ADAM18: variants seen among roughly 807,000 people sequenced by gnomAD.
The protein encoded by ADAM18 is ADAM metallopeptidase domain 18.
ADAM18 carries 117 observed loss-of-function variants against 94.4 expected under a neutral mutation model. That is an observed-to-expected ratio of 1.24 (90% CI 1.07 to 1.45). The LOEUF (loss-of-function observed/expected upper bound fraction) is 1.45, where lower values mean the gene tolerates loss of function less well. Among genes scored for constraint, ADAM18 ranks in the 40% most tolerant of loss-of-function variants. The probability of loss-of-function intolerance (pLI) is 0.00; values close to 1 mark genes in which losing one functional copy is unlikely to be tolerated. For synonymous variants in ADAM18, 327 were observed against 291.6 expected, an observed-to-expected ratio of 1.12 and a Z score of -1.24; for missense variants, 936 against 880.0, an observed-to-expected ratio of 1.06 and a Z score of -0.81.
chr8:39,637,883 G>T (rs1820129791), intron 9 of ADAM18, among the ~76,000 whole-genome samples, 180 bp downstream of exon 9: 1 of 151,914 alleles, frequency 6.6e-6, no homozygotes, highest in South Asian at 2.1e-4. Context: ...ACAATAATCA[G>T]TTTTGTATTA....
chr8:39,699,850 T>C (rs956620360), intron 17 of ADAM18, among the ~76,000 whole-genome samples: 1 of 152,060 alleles, frequency 6.6e-6, no homozygotes, highest in Admixed American at 6.6e-5. Flanking sequence ...ATTAGAAAAA[T>C]CTTGAAATTT....
intron 13 of ADAM18, among the ~76,000 whole-genome samples, chr8:39,666,707 A>G (rs1055468077): frequency 4.7e-4 from 72 of 152,194 alleles, no homozygotes; most frequent in African/African-American, 1.7e-3. Flanking sequence ...AAACCATCAG[A>G]TCTTGTGAGA....
chr8:39,584,977 T>G (rs893378557), intron 1 of ADAM18, among the ~76,000 whole-genome samples: 1 of 152,070 alleles, frequency 6.6e-6, no homozygotes, highest in African/African-American at 2.4e-5. Flanking sequence ...ACTAACTGCC[T>G]TCAGCGAACT....
Position 39,637,656 on chromosome 8 carries a change from A to G in ADAM18, c.780A>G (p.Lys260=). 6.2e-7 allele frequency: 1 copy of G among 1,612,612 alleles called. No individual in the cohort carries two copies. The change falls in exon 9 of 20, where the codon AAA becomes AAG. Residue 260 remains lysine (K), a synonymous_variant. Coordinates refer to ENST00000265707, the MANE Select transcript of ADAM18 (RefSeq NM_014237.3). ...TATTACAAAGATTTTTGGCATGGAA[A>G]CGGGACTATCTCATCCTACGGCCCC... ...DDILQRFLAW[K]RDYLILRPHD...
Position 39,720,024 on chromosome 8 carries a change from T to A in ADAM18, c.2018-3724T>A, listed in dbSNP as rs1822703294. ...TAAGTCAAAATCTATATAGTAACAA[T>A]TTTTGTAATAGATAACATCTGGAAA... On this transcript the variant is annotated intron_variant, in intron 18 of 19. Coordinates refer to ENST00000265707, the MANE Select transcript of ADAM18 (RefSeq NM_014237.3). Among the ~76,000 whole-genome samples, 4 of 151,012 alleles carry A rather than the reference T, an allele frequency of 2.6e-5. No individual in the cohort carries two copies. The Admixed American group carries it at 2.7e-4, about 10-fold the overall frequency.
chr8:39,648,498 A>G lies in ADAM18; in HGVS notation c.1201A>G (p.Asn401Asp). The change falls in exon 12 of 20, where the codon AAT becomes GAT. Residue 401 changes from asparagine (N) to aspartate (D), a missense_variant. Coordinates refer to ENST00000265707, the MANE Select transcript of ADAM18 (RefSeq NM_014237.3). ...GTGTGGTAATGGGATTTTGGAATCCAATGAAGAATGTGACTGTGGTAATAA... is the reference window on the plus strand; with the variant it reads ...GTGTGGTAATGGGATTTTGGAATCCGATGAAGAATGTGACTGTGGTAATAA... ...PVCGNGILES[N>D]EECDCGNKNE... 6.2e-7 allele frequency: 1 copy of G among 1,608,498 alleles called. No individual in the cohort carries two copies. Among genetic ancestry groups the G allele is most frequent in the South Asian group, 1.1e-5 (1 of 89,442 alleles).
At chr8:39,710,467 T>C (rs180883972) in intron 18 of ADAM18, among the ~76,000 whole-genome samples, 1 of 152,308 alleles carries the variant, frequency 6.6e-6, no homozygotes, top group African/African-American at 2.4e-5. Context: ...TCAGTACTTG[T>C]ATCCAAGAAG....
At chr8:39,690,151 A>G (rs1300348967) in intron 16 of ADAM18, among the ~76,000 whole-genome samples, 1 of 152,154 alleles carries the variant, frequency 6.6e-6, no homozygotes, top group Non-Finnish European at 1.5e-5. Flanking sequence ...GTTGGGCTGG[A>G]GTTGCCAAAG....
At chr8:39,602,165 T>C (rs1818926575) in intron 2 of ADAM18, among the ~76,000 whole-genome samples, 1 of 152,178 alleles carries the variant, frequency 6.6e-6, no homozygotes, top group Non-Finnish European at 1.5e-5. Flanking sequence ...TGCTTTGAAT[T>C]GTTTTGGATG....
At position 39,729,886 on chromosome 8, in the gene ADAM18, TC is replaced by T. The variant is rs1329138178; in HGVS notation, c.2178-11del. On this transcript the variant is annotated splice_polypyrimidine_tract_variant and intron_variant, in intron 19 of 19. Coordinates refer to ENST00000265707, the MANE Select transcript of ADAM18 (RefSeq NM_014237.3). ...TGTGAATTTCTATTTTTTCTGTTTT[TC>T]TTCACTATAGTAATTCATCCGTTGT... 6.2e-7 allele frequency: 1 copy of T among 1,611,648 alleles called. No individual in the cohort carries two copies. The highest frequency in any genetic ancestry group is 2.2e-5 in the East Asian group (1 of 44,858).
intron 10 of ADAM18, among the ~76,000 whole-genome samples, chr8:39,644,849 A>G (rs888858662): frequency 3.3e-5 from 5 of 152,164 alleles, no homozygotes; most frequent in African/African-American, 1.2e-4. Flanking sequence ...TCTTAAAAGC[A>G]TGTGTAACAA....
intron 2 of ADAM18, among the ~76,000 whole-genome samples, chr8:39,588,786 C>T (rs1199868869): frequency 6.6e-6 from 1 of 152,154 alleles, no homozygotes; most frequent in Non-Finnish European, 1.5e-5. Flanking sequence ...AGAATGCACA[C>T]CTTGGGGAGC....
At chr8:39,688,962 G>A (rs570655491) in intron 16 of ADAM18, among the ~76,000 whole-genome samples, 3 of 152,152 alleles carry the variant, frequency 2.0e-5, no homozygotes, top group East Asian at 1.9e-4. Context: ...CTTAATGCTC[G>A]ATGATGTTGA....
At chr8:39,679,958 A>G (rs748436624) in intron 15 of ADAM18, 79 bp from the exon 16 acceptor site, 5 of 1,340,392 alleles carry the variant, frequency 3.7e-6, no homozygotes, top group Non-Finnish European at 5.3e-6. Flanking sequence ...ACAGTATGTT[A>G]CCATTATGCA....
chr8:39,628,348 T>C (rs1170563809), intron 6 of ADAM18, among the ~76,000 whole-genome samples: 2 of 151,906 alleles, frequency 1.3e-5, no homozygotes, highest in Non-Finnish European at 2.9e-5. Flanking sequence ...GATAGATAAA[T>C]AAACATGTAT....
chr8:39,631,000 C>T (rs1167179862), intron 7 of ADAM18, among the ~76,000 whole-genome samples: 1 of 151,826 alleles, frequency 6.6e-6, no homozygotes. Flanking sequence ...TATTTTCATA[C>T]CATTGTTTAC....
chr8:39,727,043 G>A (rs990921018), intron 19 of ADAM18, among the ~76,000 whole-genome samples: 1 of 152,156 alleles, frequency 6.6e-6, no homozygotes, highest in Non-Finnish European at 1.5e-5. Context: ...CATTCCCAGA[G>A]AAAGTTGTAT....
chr8:39,696,248 A>G lies in ADAM18; in HGVS notation c.1902+3568A>G, dbSNP rs114586519. On this transcript the variant is annotated intron_variant, in intron 17 of 19. Coordinates refer to ENST00000265707, the MANE Select transcript of ADAM18 (RefSeq NM_014237.3). Reference sequence around the variant, plus strand: ...TTTTAAATTGTGCTTCCTTTTTATTATTGAGTTTTAGAATTATTTATATAT... The same window carrying G: ...TTTTAAATTGTGCTTCCTTTTTATTGTTGAGTTTTAGAATTATTTATATAT... 5.8e-3 allele frequency among the ~76,000 whole-genome samples: 874 copies of G among 151,400 alleles called. 5 individuals carry two copies. The highest frequency in any genetic ancestry group is 0.02 in the African/African-American group (831 of 41,474).
intron 2 of ADAM18, among the ~76,000 whole-genome samples, chr8:39,604,074 A>G (rs1022974833): frequency 2.0e-5 from 3 of 152,190 alleles, no homozygotes; most frequent in African/African-American, 7.2e-5. Flanking sequence ...CTTCAGTAAG[A>G]ACTCTCTGCT....
Sources: gnomAD v4.1 joint callset for allele counts (sites outside exome capture counted in the v4.1 genomes callset) on GRCh38, gnomAD v4.1.1 for gene constraint, MANE v1.5 for transcripts, NCBI Gene and HGNC (gene_info 2026-07-23, HGNC 2026-07-21) for gene names.